Variants in KCNMA1 observed in about 807,000 individuals in gnomAD.
KCNMA1 encodes Calcium-activated potassium channel subunit alpha-1.
Under a neutral mutation model 140.0 loss-of-function variants are expected in KCNMA1, and 29 were observed. That is an observed-to-expected ratio of 0.21 (90% CI 0.15 to 0.28). The LOEUF (loss-of-function observed/expected upper bound fraction) is 0.28, where lower values mean the gene tolerates loss of function less well. KCNMA1 is among the 10% of genes least tolerant of loss of function. The pLI is 1.00. For synonymous variants in KCNMA1, 612 were observed against 611.9 expected (o/e 1.00, Z 0.00); for missense variants, 880 against 1,602.2 (o/e 0.55, Z 7.70).
At chr10:77,380,251 T>G (rs1188826307) in intron 2 of KCNMA1, among the ~76,000 whole-genome samples, 2 of 152,150 alleles carry the variant, frequency 1.3e-5, no homozygotes, top group Non-Finnish European at 2.9e-5. Flanking sequence ...CATTCTTCAA[T>G]TTCTGCTTGA....
chr10:77,475,933 A>G (rs566540543), intron 1 of KCNMA1, among the ~76,000 whole-genome samples: 1 of 152,148 alleles, frequency 6.6e-6, no homozygotes, highest in African/African-American at 2.4e-5. Flanking sequence ...TTTTTCATAG[A>G]CCATCCTGCC....
At chr10:76,961,552 G>C (rs1444022668) in intron 20 of KCNMA1, among the ~76,000 whole-genome samples, 1 of 152,186 alleles carries the variant, frequency 6.6e-6, no homozygotes. Flanking sequence ...TTTGAAAGAA[G>C]TTCTACTCTG....
chr10:77,537,977 G>T (rs562585017), intron 1 of KCNMA1, among the ~76,000 whole-genome samples: 1 of 151,648 alleles, frequency 6.6e-6, no homozygotes, highest in African/African-American at 2.4e-5. Context: ...GTATACACAC[G>T]CACATACACA....
At chr10:77,439,894 G>A (rs2097359083) in intron 1 of KCNMA1, among the ~76,000 whole-genome samples, 1 of 152,170 alleles carries the variant, frequency 6.6e-6, no homozygotes. Context: ...GCAGAGTGGT[G>A]GCAATCTTCA....
chr10:76,892,603 C>T (rs74139847), intron 25 of KCNMA1, among the ~76,000 whole-genome samples: 3,785 of 152,246 alleles, frequency 0.025, 145 homozygotes, highest in African/African-American at 0.087. Context: ...TTTGAGGATG[C>T]ACTTTGGAAA....
chr10:77,195,310 T>C (rs908359923), intron 3 of KCNMA1, among the ~76,000 whole-genome samples: 7 of 152,136 alleles, frequency 4.6e-5, no homozygotes, highest in African/African-American at 1.7e-4. Flanking sequence ...TTAGAAGTCA[T>C]GGGTCTGCTG....
chr10:77,577,535 A>G (rs1355482083), intron 1 of KCNMA1, among the ~76,000 whole-genome samples: 1 of 152,208 alleles, frequency 6.6e-6, no homozygotes, highest in East Asian at 1.9e-4. Context: ...ACATCAAGCA[A>G]TATAATTGCA....
intron 2 of KCNMA1, among the ~76,000 whole-genome samples, chr10:77,263,684 TGTCAAG>T (rs2062620190): frequency 6.6e-6 from 1 of 152,162 alleles, no homozygotes; most frequent in South Asian, 2.1e-4. Flanking sequence ...AGCCCTATAG[TGTCAAG>T]GGAGTTGGCC....
chr10:77,486,406 T>C (rs977245926), intron 1 of KCNMA1, among the ~76,000 whole-genome samples: 2 of 152,172 alleles, frequency 1.3e-5, no homozygotes, highest in African/African-American at 4.8e-5. Flanking sequence ...AGCTGAGGTA[T>C]TGTTTTCTTT....
intron 1 of KCNMA1, among the ~76,000 whole-genome samples, chr10:77,546,653 G>C (rs1452141515): frequency 6.6e-6 from 1 of 152,232 alleles, no homozygotes; most frequent in Non-Finnish European, 1.5e-5. Flanking sequence ...TCCAGTGGGA[G>C]AGGAAAGGAC....
At chr10:77,554,990 A>G (rs952734023) in intron 1 of KCNMA1, among the ~76,000 whole-genome samples, 1 of 152,028 alleles carries the variant, frequency 6.6e-6, no homozygotes, top group Non-Finnish European at 1.5e-5. Context: ...CTCTTCTCAG[A>G]AGAACCGTTC....
chr10:77,157,578 G>A (rs561373960), intron 5 of KCNMA1, among the ~76,000 whole-genome samples: 238 of 152,116 alleles, frequency 1.6e-3, no homozygotes, highest in Middle Eastern at 3.4e-3. Context: ...TAAGGAAGAC[G>A]TCCAGACTTG....
In KCNMA1 at chr10:77,100,489, C is replaced by T. The variant is rs990707059; in HGVS notation, c.1223+7992G>A. Among the ~76,000 whole-genome samples, 14 of 152,204 alleles carry T rather than the reference C, an allele frequency of 9.2e-5. No homozygotes were observed. In the East Asian group the frequency reaches 2.7e-3, roughly 29 times the overall value. ...GCAACACCAGTACTGGCTGTGGAGA[C>T]TGGAACCCTTGGGACAAGAGAATCA... On this transcript the variant is annotated intron_variant, in intron 9 of 27. Coordinates refer to ENST00000286628, the MANE Select transcript of KCNMA1 (RefSeq NM_001161352.2).
At chr10:77,471,536 C>T (rs2098151113) in intron 1 of KCNMA1, among the ~76,000 whole-genome samples, 2 of 151,112 alleles carry the variant, frequency 1.3e-5, no homozygotes, top group African/African-American at 4.9e-5. Context: ...ACACACAGCA[C>T]ACACTACACA....
chr10:77,632,651 G>C (rs1443925307), intron 1 of KCNMA1, among the ~76,000 whole-genome samples: 1 of 152,190 alleles, frequency 6.6e-6, no homozygotes, highest in East Asian at 1.9e-4. Context: ...TTTGATCTAT[G>C]ACAGTATACT....
At chr10:77,091,309 G>C (rs1453028798) in intron 9 of KCNMA1, 1 of 152,306 alleles carries the variant, frequency 6.6e-6, no homozygotes, top group Non-Finnish European at 1.5e-5. Context: ...CTTGTTTGAG[G>C]GTGGTTTGGA....
chr10:77,092,860 A>C (rs2096847070), intron 9 of KCNMA1, among the ~76,000 whole-genome samples: 1 of 152,214 alleles, frequency 6.6e-6, no homozygotes. Flanking sequence ...GAAATCATTC[A>C]TCCCTAGGAA....
chr10:76,942,120 C>T (rs1398482448), intron 23 of KCNMA1, among the ~76,000 whole-genome samples: 2 of 152,104 alleles, frequency 1.3e-5, no homozygotes, highest in African/African-American at 2.4e-5. Context: ...TATAGGCACC[C>T]GCCACCATGC....
intron 2 of KCNMA1, among the ~76,000 whole-genome samples, chr10:77,345,545 G>C (rs1304114498): frequency 6.6e-6 from 1 of 152,200 alleles, no homozygotes; most frequent in Non-Finnish European, 1.5e-5. Flanking sequence ...TCATACCTGT[G>C]TCTGCCCATC....
Sources: allele counts gnomAD v4.1 joint callset (sites outside exome capture counted in the v4.1 genomes callset), GRCh38; gene constraint gnomAD v4.1.1; transcripts MANE v1.5; gene names NCBI Gene and HGNC (gene_info 2026-07-23, HGNC 2026-07-21).